Variants in DLG2 observed in about 807,000 individuals in gnomAD.
DLG2 encodes the protein disks large homolog 2.
DLG2 carries 45 observed loss-of-function variants against 132.5 expected under a neutral mutation model. That is an observed-to-expected ratio of 0.34 (90% CI 0.27 to 0.44). DLG2 has a LOEUF of 0.44. Ranked by LOEUF, DLG2 falls within the 20% of genes least tolerant of loss-of-function variation. The pLI, the probability that DLG2 is intolerant of heterozygous loss-of-function variation, is 1.00. For missense variants in DLG2, 1,045 were observed against 1,196.9 expected, an observed-to-expected ratio of 0.87 and a Z score of 1.87; for synonymous variants, 424 against 419.6, an observed-to-expected ratio of 1.01 and a Z score of -0.13.
At chr11:83,790,518 A>G in intron 17 of DLG2, 3 of 1,272,604 alleles carry the variant, frequency 2.4e-6, no homozygotes, top group Non-Finnish European at 3.4e-6. Flanking sequence ...AACTCTTGCA[A>G]CACCAGGAGC....
chr11:83,623,852 T>C (rs2062044381), intron 19 of DLG2, among the ~76,000 whole-genome samples: 1 of 152,220 alleles, frequency 6.6e-6, no homozygotes. Flanking sequence ...CTCAATTTTT[T>C]CATGCCCTCC....
chr11:84,832,522 G>A (rs1288244732), intron 6 of DLG2, among the ~76,000 whole-genome samples: 2 of 151,540 alleles, frequency 1.3e-5, no homozygotes, highest in South Asian at 2.1e-4. Context: ...TGCAGAGGAA[G>A]GTGCCCATGA....
At position 83,755,265 on chromosome 11, in the gene DLG2, C is replaced by G. The variant is rs2093599070; in HGVS notation, c.1825+31425G>C. Among the ~76,000 whole-genome samples the G allele has an allele frequency of 1.3e-5, 2 of 151,220 alleles. 1 individual carries two copies. The highest frequency in any genetic ancestry group is 4.9e-5 in the African/African-American group (2 of 40,626). On this transcript the variant is annotated intron_variant, in intron 18 of 27. Transcript: ENST00000376104. ...CAGCACAGATTATACACTTGAATGA[C>G]TATAAATGGCTTTAAGCTATTCAAA...
intron 7 of DLG2, among the ~76,000 whole-genome samples, chr11:84,493,431 C>T (rs796205480): frequency 2.0e-5 from 3 of 152,188 alleles, no homozygotes; most frequent in African/African-American, 4.8e-5. Context: ...AAACTCTCTC[C>T]ACCCATTCCA....
intron 18 of DLG2, among the ~76,000 whole-genome samples, chr11:83,738,817 G>C (rs1155508): frequency 0.28 from 43,024 of 151,808 alleles, 8,631 homozygotes; most frequent in African/African-American, 0.57. Flanking sequence ...CTTGTTGTCT[G>C]CCATCTGGAC....
At chr11:84,718,180 A>C (rs1387803670) in intron 6 of DLG2, among the ~76,000 whole-genome samples, 1 of 152,102 alleles carries the variant, frequency 6.6e-6, no homozygotes, top group African/African-American at 2.4e-5. Context: ...CCCATTATAA[A>C]GGGATTTGAG....
At chr11:83,957,554 CTTT>C (rs10713628) in intron 14 of DLG2, among the ~76,000 whole-genome samples, 2,102 of 142,770 alleles carry the variant, frequency 0.015, 47 homozygotes, top group African/African-American at 0.05. Flanking sequence ...GCAGCCAGAA[CTTT>C]TTTTTTTTTT....
intron 3 of DLG2, among the ~76,000 whole-genome samples, chr11:85,596,372 A>G (rs544100006): frequency 1.4e-4 from 22 of 152,324 alleles, no homozygotes; most frequent in Admixed American, 1.2e-3. Context: ...TGAGCGACAG[A>G]GCGAGACTCC....
chr11:84,592,371 A>G (rs2099545476), intron 6 of DLG2, among the ~76,000 whole-genome samples: 1 of 152,228 alleles, frequency 6.6e-6, no homozygotes, highest in South Asian at 2.1e-4. Context: ...TAGTCTCTTG[A>G]GAGTCTAGGT....
intron 6 of DLG2, among the ~76,000 whole-genome samples, chr11:84,776,574 T>C (rs574284492): frequency 6.6e-6 from 1 of 152,298 alleles, no homozygotes; most frequent in East Asian, 1.9e-4. Context: ...CCTCTCCCAA[T>C]CCATATGTCC....
chr11:84,050,470 C>T (rs1354258862), intron 11 of DLG2, among the ~76,000 whole-genome samples: 1 of 151,770 alleles, frequency 6.6e-6, no homozygotes, highest in Non-Finnish European at 1.5e-5. Flanking sequence ...CTGTAGGTTG[C>T]CTGTTCACTC....
At chr11:83,881,342 A>G (rs1462216118) in intron 15 of DLG2, among the ~76,000 whole-genome samples, 2 of 152,166 alleles carry the variant, frequency 1.3e-5, no homozygotes, top group African/African-American at 4.8e-5. Context: ...GGATTTTGGG[A>G]CCCAATATAG....
chr11:84,077,348 T>G (rs545401811), intron 10 of DLG2, among the ~76,000 whole-genome samples: 30 of 152,350 alleles, frequency 2.0e-4, no homozygotes, highest in African/African-American at 6.3e-4. Flanking sequence ...TTGCCAAATC[T>G]AATGAGATCT....
At chr11:84,237,515 C>A (rs1348335066) in intron 8 of DLG2, among the ~76,000 whole-genome samples, 1 of 152,070 alleles carries the variant, frequency 6.6e-6, no homozygotes, top group Non-Finnish European at 1.5e-5. Flanking sequence ...TACTGAGTTT[C>A]CAAAATAAAA....
chr11:85,127,700 A>G (rs993791431), intron 5 of DLG2, among the ~76,000 whole-genome samples: 1 of 152,240 alleles, frequency 6.6e-6, no homozygotes, highest in South Asian at 2.1e-4. Flanking sequence ...AGCTTTGTCT[A>G]TGAACACAAG....
intron 4 of DLG2, among the ~76,000 whole-genome samples, chr11:85,231,854 G>A (rs887455214): frequency 2.0e-5 from 3 of 151,748 alleles, no homozygotes; most frequent in Non-Finnish European, 2.9e-5. Context: ...AAATTCCAAC[G>A]TTACCCAGAA....
chr11:85,411,306 G>A (rs1337481960), intron 3 of DLG2, among the ~76,000 whole-genome samples: 7 of 151,748 alleles, frequency 4.6e-5, no homozygotes, highest in Non-Finnish European at 1.5e-5. Flanking sequence ...AGAAAGCTTG[G>A]AAATGAAGAG....
At chr11:83,592,381 A>G (rs1200729779) in intron 19 of DLG2, among the ~76,000 whole-genome samples, 1 of 148,192 alleles carries the variant, frequency 6.7e-6, no homozygotes, top group Admixed American at 6.8e-5. Flanking sequence ...TGAGAAAAAC[A>G]AGCAATGGGG....
At chr11:84,991,389 G>C (rs1309701507) in intron 6 of DLG2, among the ~76,000 whole-genome samples, 1 of 151,546 alleles carries the variant, frequency 6.6e-6, no homozygotes, top group Non-Finnish European at 1.5e-5. Context: ...CTCGCCTCTT[G>C]TCCCAGCTAC....
Sources: gnomAD v4.1 joint callset for allele counts (sites outside exome capture counted in the v4.1 genomes callset) on GRCh38, gnomAD v4.1.1 for gene constraint, MANE v1.5 for transcripts, NCBI Gene and HGNC (gene_info 2026-07-23, HGNC 2026-07-21) for gene names.